NKAIN3: variants seen among roughly 807,000 people sequenced by gnomAD.
NKAIN3 encodes the protein sodium/potassium transporting ATPase interacting 3, also known as sodium/potassium-transporting ATPase subunit beta-1-interacting protein 3.
A neutral mutation model predicts 30.2 loss-of-function variants in NKAIN3; 25 were observed. The ratio of observed to expected loss-of-function variants is 0.83; its 90% CI spans 0.60 to 1.16. The LOEUF (loss-of-function observed/expected upper bound fraction) is 1.16, where lower values mean the gene tolerates loss of function less well. NKAIN3 is among the 50% of genes most tolerant of loss of function. The pLI is 0.00. For missense variants in NKAIN3, 225 were observed against 254.1 expected (o/e 0.89, Z 0.78); for synonymous variants, 91 against 89.6 (o/e 1.02, Z -0.09).
At chr8:62,605,711 G>A (rs1811104488) in intron 3 of NKAIN3, among the ~76,000 whole-genome samples, 1 of 151,996 alleles carries the variant, frequency 6.6e-6, no homozygotes. Context: ...GTATTCTAGA[G>A]ATTACAAAGT....
chr8:62,548,665 A>G (rs185223526), intron 1 of NKAIN3, among the ~76,000 whole-genome samples: 1 of 152,278 alleles, frequency 6.6e-6, no homozygotes, highest in African/African-American at 2.4e-5. Context: ...TGAAAATTCT[A>G]ACATGGAAAT....
intron 4 of NKAIN3, among the ~76,000 whole-genome samples, chr8:62,808,894 A>C (rs1290690747): frequency 6.6e-6 from 1 of 152,126 alleles, no homozygotes; most frequent in Non-Finnish European, 1.5e-5. Context: ...CTAGGCAGGA[A>C]TTTCCTCATC....
chr8:62,642,136 G>A (rs961828), intron 3 of NKAIN3, among the ~76,000 whole-genome samples: 7,282 of 152,022 alleles, frequency 0.048, 312 homozygotes, highest in African/African-American at 0.11. Flanking sequence ...AGAAAATAAC[G>A]ATGACAAAAA....
intron 1 of NKAIN3, among the ~76,000 whole-genome samples, chr8:62,325,963 T>C (rs1815107186): frequency 6.6e-6 from 1 of 152,054 alleles, no homozygotes; most frequent in Admixed American, 6.6e-5. Flanking sequence ...GTAGTCTGTT[T>C]ACTCTATTGA....
At chr8:62,398,038 G>A (rs969423756) in intron 1 of NKAIN3, among the ~76,000 whole-genome samples, 1 of 152,160 alleles carries the variant, frequency 6.6e-6, no homozygotes, top group African/African-American at 2.4e-5. Flanking sequence ...TGGGAGAGGG[G>A]TGCAGGCACC....
intron 3 of NKAIN3, among the ~76,000 whole-genome samples, chr8:62,722,619 A>C (rs1404588255): frequency 1.3e-5 from 2 of 152,172 alleles, no homozygotes; most frequent in African/African-American, 4.8e-5. Flanking sequence ...CCGTCAAATC[A>C]AGGAGTCCAT....
chr8:62,414,801 A>C (rs1427014713), intron 1 of NKAIN3, among the ~76,000 whole-genome samples: 10 of 151,920 alleles, frequency 6.6e-5, no homozygotes, highest in Non-Finnish European at 7.4e-5. Context: ...AAGAAATATT[A>C]GGAAACATGT....
chr8:62,549,234 A>G (rs1809113413), intron 1 of NKAIN3, among the ~76,000 whole-genome samples: 1 of 152,212 alleles, frequency 6.6e-6, no homozygotes, highest in Non-Finnish European at 1.5e-5. Flanking sequence ...ACTCAGTAAA[A>G]TGAGTAATAG....
In NKAIN3 at chr8:62,982,424, C is replaced by A. The variant is rs188986557; in HGVS notation, c.*17017C>A. On this transcript the variant is annotated 3_prime_UTR_variant, in exon 7 of 7. Coordinates refer to ENST00000623646, the MANE Select transcript of NKAIN3 (RefSeq NM_001304533.3). ...ACCTCACAACGATATGTGGTGGCCC[C>A]GCAGTCATTATGGTCTTGTTAAATA... 1 of 152,168 alleles carries A rather than the reference C, an allele frequency of 6.6e-6. No homozygotes were observed. The highest frequency in any genetic ancestry group is 1.5e-5 in the Non-Finnish European group (1 of 68,028). The allele number at this position is 152,168 out of a possible 1,614,324, so 9.4% of individuals were successfully genotyped here.
intron 1 of NKAIN3, among the ~76,000 whole-genome samples, chr8:62,345,574 C>T (rs1351438349): frequency 2.8e-5 from 4 of 144,720 alleles, no homozygotes; most frequent in Non-Finnish European, 6.0e-5. Context: ...CATATATACA[C>T]ATATATGTAT....
chr8:62,945,916 C>T (rs1177339136), intron 5 of NKAIN3, among the ~76,000 whole-genome samples: 1 of 152,146 alleles, frequency 6.6e-6, no homozygotes, highest in African/African-American at 2.4e-5. Context: ...GGGGACAGGA[C>T]AGAGTGGGAA....
chr8:62,867,837 C>G (rs541568295), intron 4 of NKAIN3, among the ~76,000 whole-genome samples: 60 of 152,330 alleles, frequency 3.9e-4, no homozygotes, highest in African/African-American at 1.4e-3. Flanking sequence ...TCTCTTTGAT[C>G]AAACCATGTT....
intron 4 of NKAIN3, chr8:62,864,055 A>G (rs1285392831): frequency 2.9e-6 from 2 of 692,390 alleles, no homozygotes; most frequent in Admixed American, 2.2e-5. Flanking sequence ...TTGGGCCTGA[A>G]TGGGCAACAC....
At chr8:62,627,608 C>G (rs1811830326) in intron 3 of NKAIN3, among the ~76,000 whole-genome samples, 2 of 152,102 alleles carry the variant, frequency 1.3e-5, no homozygotes, top group African/African-American at 4.8e-5. Flanking sequence ...AACTGTTCAT[C>G]AAGATGACTG....
chr8:62,912,101 C>T (rs1018906018), intron 4 of NKAIN3, among the ~76,000 whole-genome samples: 5 of 152,136 alleles, frequency 3.3e-5, no homozygotes, highest in African/African-American at 1.2e-4. Context: ...AGGCTACAAA[C>T]CTCTATAGCA....
rs966119427 is a variant in NKAIN3, at chr8:62,983,090, G to A, written c.*17683G>A. 1.3e-5 allele frequency: 2 copies of A among 152,132 alleles called. No individual in the cohort carries two copies. Among genetic ancestry groups the A allele is most frequent in the Non-Finnish European group, 2.9e-5 (2 of 68,032 alleles). The allele number at this position is 152,132 out of a possible 1,614,324, so 9.4% of individuals were successfully genotyped here. A position where few individuals can be genotyped will look rare whatever the true frequency, so the allele number is the denominator to read the frequency against. On this transcript the variant is annotated 3_prime_UTR_variant, in exon 7 of 7. Coordinates refer to ENST00000623646, the MANE Select transcript of NKAIN3 (RefSeq NM_001304533.3). ...CAGCATTTGGTAAACTAGCTCCCTAGGTGAGACAGCATTAGATGACCTCCT... is the reference window on the plus strand; with the variant it reads ...CAGCATTTGGTAAACTAGCTCCCTAAGTGAGACAGCATTAGATGACCTCCT...
chr8:62,925,909 C>T (rs1207437226), intron 5 of NKAIN3, among the ~76,000 whole-genome samples: 3 of 152,098 alleles, frequency 2.0e-5, no homozygotes, highest in Non-Finnish European at 4.4e-5. Context: ...ACACGAATGC[C>T]TGCCCGCTCA....
intron 1 of NKAIN3, among the ~76,000 whole-genome samples, chr8:62,306,049 T>A (rs1814227431): frequency 6.6e-6 from 1 of 150,436 alleles, no homozygotes; most frequent in South Asian, 2.1e-4. Context: ...CTAGGAATTT[T>A]TGTCTATAAT....
chr8:62,534,511 A>G (rs1808590938), intron 1 of NKAIN3, among the ~76,000 whole-genome samples: 3 of 152,118 alleles, frequency 2.0e-5, no homozygotes, highest in African/African-American at 7.2e-5. Context: ...CCCAAAACCA[A>G]CATAAGATGA....
Sources: gnomAD v4.1 joint callset for allele counts (sites outside exome capture counted in the v4.1 genomes callset) on GRCh38, gnomAD v4.1.1 for gene constraint, MANE v1.5 for transcripts, NCBI Gene and HGNC (gene_info 2026-07-23, HGNC 2026-07-21) for gene names.